Variants in DNAH3 observed in about 807,000 individuals in gnomAD.
DNAH3 encodes the protein dynein axonemal heavy chain 3, also known as axonemal beta dynein heavy chain 3.
A neutral mutation model predicts 432.5 loss-of-function variants in DNAH3; 332 were observed. That is an observed-to-expected ratio of 0.77 (90% confidence interval 0.70 to 0.84). The LOEUF (loss-of-function observed/expected upper bound fraction) is 0.84. Among genes scored for constraint, DNAH3 ranks in the 40% least tolerant of loss-of-function variants. The probability of loss-of-function intolerance (pLI) is 0.00; values close to 1 mark genes in which losing one functional copy is unlikely to be tolerated. For synonymous variants in DNAH3, 1,956 were observed against 1,900.2 expected (o/e 1.03, Z -0.76); for missense variants, 4,861 against 5,114.0 (o/e 0.95, Z 1.51).
At chr16:21,071,969 C>T (rs1431050026) in intron 21 of DNAH3, among the ~76,000 whole-genome samples, 3 of 151,968 alleles carry the variant, frequency 2.0e-5, no homozygotes, top group South Asian at 2.1e-4. Context: ...CCCGGGGCAC[C>T]GCAGCCAACT....
At chr16:20,990,349 AT>A (rs1345913279) in intron 44 of DNAH3, among the ~76,000 whole-genome samples, 11 of 152,372 alleles carry the variant, frequency 7.2e-5, no homozygotes, top group Non-Finnish European at 1.0e-4. Flanking sequence ...ATTGTTAGAT[AT>A]CTGTATTTAT....
chr16:21,075,990 T>C (rs79248047), intron 20 of DNAH3, among the ~76,000 whole-genome samples: 1,631 of 151,424 alleles, frequency 0.011, 35 homozygotes, highest in African/African-American at 0.037. Context: ...GCCCTTAATT[T>C]GACCAAAAGG....
rs148192063 is a variant in DNAH3 at position 20,970,030 on chromosome 16, G to A, written c.8260-40C>T. On this transcript the variant is annotated intron_variant, in intron 51 of 61. Transcript: ENST00000261383. ...AGGACAAAGGAGATGAGTGCCCAGG[G>A]CCTGGCACAATGGGGGCGAAGCAGA... 2.5e-3 allele frequency: 3,961 copies of A among 1,594,072 alleles called. 25 individuals carry two copies. The highest frequency in any genetic ancestry group is 0.016 in the South Asian group (1,440 of 90,724).
At chr16:20,989,025 T>C (rs191983508) in intron 44 of DNAH3, among the ~76,000 whole-genome samples, 167 of 152,318 alleles carry the variant, frequency 1.1e-3, no homozygotes, top group African/African-American at 3.5e-3. Flanking sequence ...AAAAGCAGTG[T>C]GGACCCACAG....
At chr16:21,096,256 C>T (rs115307921) in intron 18 of DNAH3, among the ~76,000 whole-genome samples, 3,160 of 151,612 alleles carry the variant, frequency 0.021, 115 homozygotes, top group African/African-American at 0.073. Flanking sequence ...ATCTTAGCTT[C>T]TCGAGTAGCT....
At chr16:21,088,224 C>A (rs1183393963) in intron 18 of DNAH3, among the ~76,000 whole-genome samples, 1 of 152,134 alleles carries the variant, frequency 6.6e-6, no homozygotes, top group African/African-American at 2.4e-5. Context: ...ATCCTTCATG[C>A]ACCAGGAAAT....
chr16:21,111,935 A>G (rs578065116), intron 13 of DNAH3, 58 bp downstream of exon 13: 1 of 1,552,900 alleles, frequency 6.4e-7, no homozygotes, highest in South Asian at 1.1e-5. Flanking sequence ...CTAACTGCTC[A>G]TTGGATTGTC....
intron 50 of DNAH3, among the ~76,000 whole-genome samples, chr16:20,978,696 G>A (rs1346882431): frequency 2.0e-5 from 3 of 152,024 alleles, no homozygotes. Context: ...ACTGCACTTG[G>A]CTAATTTTAT....
chr16:20,952,309 A>C, intron 56 of DNAH3, 124 bp downstream of exon 56: 4 of 643,854 alleles, frequency 6.2e-6, no homozygotes, highest in Admixed American at 2.3e-5. Flanking sequence ...AGCATTAGTA[A>C]GAGCTCGATG....
intron 50 of DNAH3, among the ~76,000 whole-genome samples, chr16:20,976,581 T>C (rs914373570): frequency 3.3e-5 from 5 of 152,258 alleles, no homozygotes; most frequent in African/African-American, 1.2e-4. Flanking sequence ...GGCTACTTTT[T>C]CCAATAGTAT....
rs572941675 is a variant in DNAH3 at position 21,095,998 on chromosome 16, G to C, written c.2665+1357C>G. Among the ~76,000 whole-genome samples, 5 of 152,248 alleles carry C rather than the reference G, an allele frequency of 3.3e-5. No individual in the cohort carries two copies. The East Asian group carries it at 9.7e-4, about 29-fold the overall frequency. On this transcript the variant is annotated intron_variant, in intron 18 of 61. Coordinates refer to ENST00000261383, the Ensembl canonical transcript of DNAH3. Reference sequence around the variant, plus strand: ...TTGCTCAGGCTGGTCTTAAACTCCTGAGCTCAAGTAATCCTTCTACCTTGG... The same window carrying C: ...TTGCTCAGGCTGGTCTTAAACTCCTCAGCTCAAGTAATCCTTCTACCTTGG...
At chr16:20,999,938 C>T (rs1000139630) in intron 43 of DNAH3, among the ~76,000 whole-genome samples, 55 of 146,484 alleles carry the variant, frequency 3.8e-4, no homozygotes, top group African/African-American at 1.0e-3. Flanking sequence ...TTACTACTTC[C>T]ACTACAAGGA....
chr16:21,077,134 T>C (rs2091003000), intron 20 of DNAH3, among the ~76,000 whole-genome samples: 1 of 151,946 alleles, frequency 6.6e-6, no homozygotes. Flanking sequence ...CATCTTTGTT[T>C]ATGCCTTATT....
chr16:21,070,999 C>T (rs1202787447), intron 21 of DNAH3, among the ~76,000 whole-genome samples, 173 bp from the exon 22 acceptor site: 1 of 152,142 alleles, frequency 6.6e-6, no homozygotes, highest in South Asian at 2.1e-4. Flanking sequence ...ATCCTCCTGC[C>T]TCAGCCTCCC....
At chr16:20,996,465 A>C (rs2086765413) in intron 44 of DNAH3, among the ~76,000 whole-genome samples, 1 of 151,850 alleles carries the variant, frequency 6.6e-6, no homozygotes, top group Non-Finnish European at 1.5e-5. Flanking sequence ...TACCATCCTT[A>C]ACTTTTTTTT....
intron 41 of DNAH3, among the ~76,000 whole-genome samples, chr16:21,014,179 A>G (rs991417490): frequency 6.6e-6 from 1 of 152,206 alleles, no homozygotes; most frequent in African/African-American, 2.4e-5. Flanking sequence ...AGATGCAAAA[A>G]TATTCATCAA....
At chr16:20,972,735 C>T (rs1017408073) in intron 51 of DNAH3, among the ~76,000 whole-genome samples, 1 of 139,082 alleles carries the variant, frequency 7.2e-6, no homozygotes, top group Non-Finnish European at 1.5e-5. Context: ...GACAATGCCC[C>T]GTGATTTTTT....
chr16:21,101,670 G>A (rs919368095), intron 16 of DNAH3, among the ~76,000 whole-genome samples: 1 of 152,194 alleles, frequency 6.6e-6, no homozygotes, highest in African/African-American at 2.4e-5. Flanking sequence ...AGCATCAGAG[G>A]GAAGCCATTA....
At chr16:20,993,517 C>T (rs903819629) in intron 44 of DNAH3, among the ~76,000 whole-genome samples, 4 of 152,098 alleles carry the variant, frequency 2.6e-5, no homozygotes, top group Non-Finnish European at 5.9e-5. Context: ...ATTAATTTTT[C>T]TGGCTATAAA....
Sources: allele counts gnomAD v4.1 joint callset (sites outside exome capture counted in the v4.1 genomes callset), GRCh38; gene constraint gnomAD v4.1.1; transcripts MANE v1.5; gene names NCBI Gene and HGNC (gene_info 2026-07-23, HGNC 2026-07-21).